AKT3: variants seen among roughly 807,000 people sequenced by gnomAD.
AKT3 encodes the protein RAC-gamma serine/threonine-protein kinase.
Under a neutral mutation model 65.3 loss-of-function variants are expected in AKT3, and 15 were observed. The ratio of observed to expected loss-of-function variants is 0.23; its 90% CI spans 0.15 to 0.35. The LOEUF (loss-of-function observed/expected upper bound fraction) is 0.35. AKT3 is among the 10% of genes least tolerant of loss of function. The probability of loss-of-function intolerance (pLI) is 1.00; values close to 1 mark genes in which losing one functional copy is unlikely to be tolerated. For missense variants in AKT3, 243 were observed against 576.5 expected (o/e 0.42, Z 5.92); for synonymous variants, 206 against 183.8 (o/e 1.12, Z -0.98).
downstream of AKT3, among the ~76,000 whole-genome samples, chr1:243,496,643 G>C (rs954745942): frequency 3.9e-5 from 6 of 152,210 alleles, no homozygotes; most frequent in African/African-American, 1.4e-4. Context: ...GTGAGCAGGG[G>C]CGAGGGGTGC....
chr1:243,758,813 G>A (rs747254425), intron 2 of AKT3, among the ~76,000 whole-genome samples: 4 of 152,148 alleles, frequency 2.6e-5, no homozygotes, highest in Non-Finnish European at 2.9e-5. Context: ...GGTAATGCTC[G>A]CTCACCTCTT....
intron 12 of AKT3, among the ~76,000 whole-genome samples, chr1:243,534,905 C>T (rs993664803): frequency 6.6e-6 from 1 of 151,774 alleles, no homozygotes; most frequent in Non-Finnish European, 1.5e-5. Flanking sequence ...ATAATCTAAG[C>T]TTTCAGGTTA....
At chr1:243,595,561 T>C (rs1323838171) in intron 8 of AKT3, among the ~76,000 whole-genome samples, 2 of 152,242 alleles carry the variant, frequency 1.3e-5, no homozygotes, top group Non-Finnish European at 2.9e-5. Context: ...ATTGTACAGC[T>C]ATACAAAAAT....
intron 2 of AKT3, among the ~76,000 whole-genome samples, chr1:243,840,554 CTT>C (rs900136227): frequency 3.3e-5 from 5 of 152,104 alleles, no homozygotes; most frequent in East Asian, 1.9e-4. Flanking sequence ...CATCATACCA[CTT>C]TGTTTAGTCA....
chr1:243,552,386 A>G (rs1673147851), intron 11 of AKT3, among the ~76,000 whole-genome samples: 1 of 150,446 alleles, frequency 6.6e-6, no homozygotes, highest in Admixed American at 6.7e-5. Context: ...TTCCTTTTAT[A>G]AGAAATACAA....
At chr1:243,518,302 T>C (rs1424092142) in intron 12 of AKT3, among the ~76,000 whole-genome samples, 2 of 152,166 alleles carry the variant, frequency 1.3e-5, no homozygotes, top group Admixed American at 6.6e-5. Context: ...CCCTACATTA[T>C]GTATATGGGG....
intron 2 of AKT3, among the ~76,000 whole-genome samples, chr1:243,839,632 C>T (rs1005611404): frequency 2.0e-5 from 3 of 152,100 alleles, no homozygotes; most frequent in African/African-American, 7.2e-5. Flanking sequence ...ATTTATCCTA[C>T]GTAATAATGA....
intron 2 of AKT3, among the ~76,000 whole-genome samples, chr1:243,737,148 T>C (rs888761976): frequency 7.9e-5 from 12 of 152,154 alleles, no homozygotes; most frequent in Non-Finnish European, 1.8e-4. Context: ...GGATCTCAGC[T>C]TCAAGCTCAA....
intron 1 of AKT3, among the ~76,000 whole-genome samples, chr1:243,849,803 G>A (rs1170104574): frequency 6.6e-6 from 1 of 151,770 alleles, no homozygotes; most frequent in African/African-American, 2.4e-5. Context: ...AAAGCGGGGG[G>A]TGTCGGTGTC....
chr1:243,683,201 C>T (rs890554166), intron 3 of AKT3, among the ~76,000 whole-genome samples: 2 of 152,092 alleles, frequency 1.3e-5, no homozygotes, highest in Non-Finnish European at 2.9e-5. Flanking sequence ...ACTTACCTCA[C>T]AGTGTTGTTG....
chr1:243,839,247 C>T (rs1342126867), intron 2 of AKT3, among the ~76,000 whole-genome samples: 1 of 152,104 alleles, frequency 6.6e-6, no homozygotes, highest in Admixed American at 6.5e-5. Context: ...GCAAATATTA[C>T]CACTAGCTAT....
At chr1:243,716,995 T>C (rs1340274949) in intron 2 of AKT3, among the ~76,000 whole-genome samples, 1 of 152,202 alleles carries the variant, frequency 6.6e-6, no homozygotes, top group African/African-American at 2.4e-5. Flanking sequence ...TCTTCAGGGA[T>C]TGTGTCAAGT....
intron 2 of AKT3, among the ~76,000 whole-genome samples, chr1:243,722,594 T>G (rs1686979509): frequency 6.6e-6 from 1 of 152,190 alleles, no homozygotes; most frequent in African/African-American, 2.4e-5. Context: ...AACAACTTCC[T>G]TCAGACTAAG....
chr1:243,709,092 GT>G (rs200636629), intron 2 of AKT3, among the ~76,000 whole-genome samples: 88 of 147,730 alleles, frequency 6.0e-4, no homozygotes, highest in African/African-American at 1.5e-3. Context: ...ACTTATCAAA[GT>G]TTTTTTTTTA....
At chr1:243,548,266 G>A (rs1194323237) in intron 11 of AKT3, 1 of 152,158 alleles carries the variant, frequency 6.6e-6, no homozygotes, top group African/African-American at 2.4e-5. Context: ...CATTTGAATT[G>A]TACTTGAGAT....
chr1:243,585,349 A>C (rs1675715042), intron 8 of AKT3, among the ~76,000 whole-genome samples: 1 of 152,128 alleles, frequency 6.6e-6, no homozygotes, highest in South Asian at 2.1e-4. Context: ...TATACCTACC[A>C]AACTACCAAC....
At chr1:243,642,725 TTTACATG>T (rs1680531609) in intron 5 of AKT3, among the ~76,000 whole-genome samples, 1 of 152,214 alleles carries the variant, frequency 6.6e-6, no homozygotes. Flanking sequence ...CACTCTTCCC[TTTACATG>T]TTTACGTGGC....
intron 3 of AKT3, among the ~76,000 whole-genome samples, chr1:243,690,268 C>CCT (rs1684602297): frequency 6.6e-6 from 1 of 152,100 alleles, no homozygotes; most frequent in Non-Finnish European, 1.5e-5. Context: ...CACTCTGGAA[C>CCT]TGAGCAAGCT....
At chr1:243,699,491 ATATATATATATATATATATAT>A (rs1685292411) in intron 2 of AKT3, among the ~76,000 whole-genome samples, 1 of 117,118 alleles carries the variant, frequency 8.5e-6, no homozygotes, top group Non-Finnish European at 1.6e-5. Context: ...ATATATATAT[ATATATATATATATATATATAT>A]AATCTTCATG....
Sources: allele counts gnomAD v4.1 joint callset (sites outside exome capture counted in the v4.1 genomes callset), GRCh38; gene constraint gnomAD v4.1.1; transcripts MANE v1.5; gene names NCBI Gene and HGNC (gene_info 2026-07-23, HGNC 2026-07-21).